Variants in TTL observed in about 807,000 individuals in gnomAD.
TTL encodes tubulin--tyrosine ligase.
Under a neutral mutation model 41.1 loss-of-function variants are expected in TTL, and 10 were observed. That is an observed-to-expected ratio of 0.24 (90% confidence interval 0.15 to 0.41). The LOEUF (loss-of-function observed/expected upper bound fraction) is 0.41, where lower values mean the gene tolerates loss of function less well. TTL is among the 10% of genes least tolerant of loss of function. The pLI is 1.00. For missense variants in TTL, 367 were observed against 460.4 expected (o/e 0.80, Z 1.86); for synonymous variants, 175 against 175.5 (o/e 1.00, Z 0.02).
chr2:112,515,730 G>A (rs1682050567), intron 5 of TTL, among the ~76,000 whole-genome samples: 2 of 152,078 alleles, frequency 1.3e-5, no homozygotes, highest in South Asian at 4.1e-4. Context: ...GGCAGATCAC[G>A]AGGTCAGGAG....
In TTL at chr2:112,537,864, C is replaced by T. The variant is rs796342457; in HGVS notation, c.*9069C>T. The T allele has an allele frequency of 5.9e-5, 9 of 152,254 alleles. No individual in the cohort carries two copies. The highest frequency in any genetic ancestry group is 1.7e-4 in the African/African-American group (7 of 41,548). 9.4% of individuals were successfully genotyped at this position (152,254 alleles called of 1,614,324 possible). A position where few individuals can be genotyped will look rare whatever the true frequency, so the allele number is the denominator to read the frequency against. On this transcript the variant is annotated 3_prime_UTR_variant, in exon 7 of 7. Coordinates refer to ENST00000233336, the MANE Select transcript of TTL (RefSeq NM_153712.5). ...GAAAATAGAAAACACTATAAACCAA[C>T]TAGACTTGACAAATATCTACAAGGC... is the stretch of plus-strand genomic sequence containing the variant.
intron 6 of TTL, among the ~76,000 whole-genome samples, chr2:112,525,753 T>C (rs1435223505): frequency 6.6e-6 from 1 of 152,078 alleles, no homozygotes; most frequent in Non-Finnish European, 1.5e-5. Flanking sequence ...TTGACTTCCT[T>C]TTTTCCTAAT....
At chr2:112,509,825 C>T (rs892401561) in intron 5 of TTL, among the ~76,000 whole-genome samples, 16 of 152,166 alleles carry the variant, frequency 1.1e-4, no homozygotes, top group African/African-American at 2.2e-4. Context: ...TGTTCCTATT[C>T]GGCCATCTTG....
chr2:112,499,056 C>T (rs1020968758), intron 3 of TTL, among the ~76,000 whole-genome samples: 4 of 151,802 alleles, frequency 2.6e-5, no homozygotes, highest in Admixed American at 6.6e-5. Context: ...CGGTGGCTCT[C>T]GGCTGAAATC....
intron 1 of TTL, chr2:112,484,070 AAAC>A (rs1184154166): frequency 1.3e-5 from 2 of 152,210 alleles, no homozygotes; most frequent in South Asian, 2.1e-4. Flanking sequence ...ATAACATTAA[AAAC>A]AACAAACATG....
chr2:112,511,325 A>G (rs949837673), intron 5 of TTL, among the ~76,000 whole-genome samples: 23 of 151,386 alleles, frequency 1.5e-4, no homozygotes, highest in Admixed American at 5.3e-4. Flanking sequence ...TGCTTGTTCT[A>G]TTTATTACTC....
At chr2:112,493,038 G>A (rs1268137205) in intron 2 of TTL, among the ~76,000 whole-genome samples, 2 of 152,206 alleles carry the variant, frequency 1.3e-5, no homozygotes, top group Non-Finnish European at 2.9e-5. Context: ...TGAACTTTCA[G>A]TGAGTTAAAA....
At chr2:112,521,224 C>T in intron 6 of TTL, 1 of 985,300 alleles carries the variant, frequency 1.0e-6, no homozygotes, top group Non-Finnish European at 1.2e-6. Flanking sequence ...CTCTGCAGGT[C>T]TGGGAGATGC....
Position 112,520,954 on chromosome 2 carries a change from G to A in TTL, c.1019+529G>A, listed in dbSNP as rs191623723. ...GTAAGCAGCTAGCCTGTGCTCAGGT[G>A]GGTGGGAGATGCCATGAGAGTGTTA... On this transcript the variant is annotated intron_variant, in intron 6 of 6. Transcript: ENST00000233336. Among the ~76,000 whole-genome samples the A allele has an allele frequency of 5.4e-4, 82 of 152,208 alleles. 1 individual carries two copies. Among genetic ancestry groups the A allele is most frequent in the African/African-American group, 1.5e-3 (63 of 41,534 alleles).
chr2:112,518,901 C>G (rs1450584969), intron 5 of TTL, among the ~76,000 whole-genome samples: 1 of 152,128 alleles, frequency 6.6e-6, no homozygotes, highest in Non-Finnish European at 1.5e-5. Flanking sequence ...TCTCGAACTC[C>G]TGACCTGAGG....
intron 2 of TTL, among the ~76,000 whole-genome samples, chr2:112,493,701 G>C (rs989816153): frequency 2.0e-5 from 3 of 152,202 alleles, no homozygotes; most frequent in Non-Finnish European, 2.9e-5. Flanking sequence ...AAAGTCTTTA[G>C]ATAATTCAGA....
chr2:112,520,142 A>T (rs1220283965), intron 5 of TTL, 140 bp from the exon 6 acceptor site: 6 of 1,104,262 alleles, frequency 5.4e-6, no homozygotes, highest in Middle Eastern at 2.2e-4. Context: ...AAAAAAAAAA[A>T]AAAAAAAAGG....
intron 5 of TTL, 124 bp downstream of exon 5, chr2:112,503,305 C>T: frequency 1.4e-6 from 1 of 739,296 alleles, no homozygotes; most frequent in Non-Finnish European, 2.1e-6. Flanking sequence ...TTGTAATATT[C>T]CTTTATTTTC....
chr2:112,519,451 C>T (rs928553741), intron 5 of TTL, among the ~76,000 whole-genome samples: 6 of 151,678 alleles, frequency 4.0e-5, no homozygotes, highest in African/African-American at 1.5e-4. Flanking sequence ...AATACTTCTA[C>T]ATTTCAACAT....
rs530939317 is a variant in TTL at position 112,495,341 on chromosome 2, T to C, written c.469+966T>C. Reference sequence around the variant, plus strand: ...ACTATACTACTTCTCTGTCCATCTCTCCTATTATTCTGTAGGCTTCACACA... The same window carrying C: ...ACTATACTACTTCTCTGTCCATCTCCCCTATTATTCTGTAGGCTTCACACA... On this transcript the variant is annotated intron_variant, in intron 3 of 6. Coordinates refer to ENST00000233336, the MANE Select transcript of TTL (RefSeq NM_153712.5). 9.8e-5 allele frequency among the ~76,000 whole-genome samples: 15 copies of C among 152,354 alleles called. No individual in the cohort carries two copies. In the East Asian group the frequency reaches 2.3e-3, roughly 23 times the overall value.
intron 2 of TTL, among the ~76,000 whole-genome samples, chr2:112,489,663 T>A (rs1278796055): frequency 6.6e-6 from 1 of 152,222 alleles, no homozygotes; most frequent in East Asian, 1.9e-4. Flanking sequence ...CAATTAACAT[T>A]TTTTGCATAC....
chr2:112,494,035 G>T (rs936945864), intron 2 of TTL, 108 bp from the exon 3 acceptor site: 3 of 772,902 alleles, frequency 3.9e-6, no homozygotes, highest in African/African-American at 1.8e-5. Context: ...AGAAGACTGA[G>T]TCATGCTTTG....
rs372656862 is a variant in TTL, at chr2:112,511,095, G to A, written c.875+7914G>A. On this transcript the variant is annotated intron_variant, in intron 5 of 6. Transcript: ENST00000233336. ...TGCAGTGGCACAAACATGGTTTGCT[G>A]CAGCCTTAACCTCCTGGGCTCAAGC... 3.9e-5 allele frequency among the ~76,000 whole-genome samples: 6 copies of A among 152,202 alleles called. No homozygotes were observed. The South Asian group carries it at 1.2e-3, about 32-fold the overall frequency.
chr2:112,509,636 G>A (rs1468400645), intron 5 of TTL, among the ~76,000 whole-genome samples: 2 of 152,246 alleles, frequency 1.3e-5, no homozygotes, highest in Admixed American at 6.5e-5. Flanking sequence ...GACCCCTTGC[G>A]CTTCCCAGGT....
Sources: allele counts gnomAD v4.1 joint callset (sites outside exome capture counted in the v4.1 genomes callset), GRCh38; gene constraint gnomAD v4.1.1; transcripts MANE v1.5; gene names NCBI Gene and HGNC (gene_info 2026-07-23, HGNC 2026-07-21).